TSHR: variants seen among roughly 807,000 people sequenced by gnomAD.
TSHR encodes thyroid stimulating hormone receptor.
TSHR carries 51 observed loss-of-function variants against 64.1 expected under a neutral mutation model. The observed-to-expected ratio is 0.80, with a 90% CI of 0.64 to 1.01. The LOEUF (loss-of-function observed/expected upper bound fraction) is 1.01. TSHR is among the 50% of genes least tolerant of loss of function. TSHR has a pLI of 0.00. For missense variants in TSHR, 877 were observed against 942.8 expected (o/e 0.93, Z 0.91); for synonymous variants, 361 against 361.9 (o/e 1.00, Z 0.03).
intron 1 of TSHR, among the ~76,000 whole-genome samples, chr14:80,977,153 T>C (rs1166566633): frequency 2.6e-5 from 4 of 152,238 alleles, no homozygotes; most frequent in South Asian, 2.1e-4. Flanking sequence ...GATGCTGTGT[T>C]ATATGGAATT....
intron 1 of TSHR, among the ~76,000 whole-genome samples, chr14:81,022,037 C>A (rs1883782567): frequency 6.8e-6 from 1 of 146,476 alleles, no homozygotes; most frequent in African/African-American, 2.6e-5. Context: ...CGGAAGTGGG[C>A]AGATCACGAG....
Position 81,144,525 on chromosome 14 carries a change from C to A in TSHR, c.*172C>A, listed in dbSNP as rs2268477. On this transcript the variant is annotated 3_prime_UTR_variant, in exon 10 of 10. Transcript: ENST00000298171. Reference sequence around the variant, plus strand: ...ATCTCTGGAGAGTGATTAGTATTAACCTAATCATTGCCCCCAAGAAGGAAG... The same window carrying A: ...ATCTCTGGAGAGTGATTAGTATTAAACTAATCATTGCCCCCAAGAAGGAAG... The A allele has an allele frequency of 0.13, 92,249 of 691,108 alleles. 9,314 individuals carry two copies. Among genetic ancestry groups the A allele is most frequent in the East Asian group, 0.37 (13,850 of 36,958 alleles). 42.8% of individuals were successfully genotyped at this position (691,108 alleles called of 1,614,324 possible).
At chr14:80,983,433 G>A (rs1888277002) in intron 1 of TSHR, 2 of 1,273,156 alleles carry the variant, frequency 1.6e-6, no homozygotes, top group Non-Finnish European at 2.2e-6. Flanking sequence ...TGCAGCCAGA[G>A]ACATGATCAA....
intron 1 of TSHR, chr14:80,982,432 G>A: frequency 8.2e-7 from 1 of 1,222,354 alleles, no homozygotes; most frequent in Non-Finnish European, 1.1e-6. Flanking sequence ...GGTCTGTGCT[G>A]AGGAGTTGGA....
chr14:81,001,892 T>C (rs1889343554), intron 1 of TSHR: 1 of 208,714 alleles, frequency 4.8e-6, no homozygotes, highest in Non-Finnish European at 9.6e-6. Flanking sequence ...AAGGAACAGA[T>C]GTTCCTTTCA....
chr14:81,055,941 A>C (rs1365400485), intron 1 of TSHR, among the ~76,000 whole-genome samples: 1 of 152,178 alleles, frequency 6.6e-6, no homozygotes, highest in African/African-American at 2.4e-5. Context: ...GTTTTGAAAC[A>C]TAAGGACATG....
rs568849017 is a variant in TSHR at position 81,140,402 on chromosome 14, C to G, written c.881+535C>G. Among the ~76,000 whole-genome samples the G allele has an allele frequency of 2.0e-5, 3 of 152,258 alleles. No homozygotes were observed. The East Asian group carries it at 5.8e-4, about 29-fold the overall frequency. ...TTATCCCAGCCTAGTTACTTAACCA[C>G]TCTGAGTCTTTGGGAATGGAGATCC... On this transcript the variant is annotated intron_variant, in intron 9 of 9. Transcript: ENST00000298171.
intron 8 of TSHR, among the ~76,000 whole-genome samples, chr14:81,111,593 G>A (rs1460682463): frequency 1.3e-5 from 2 of 151,998 alleles, no homozygotes; most frequent in East Asian, 3.9e-4. Context: ...CTGATCAATG[G>A]TCCATCCATA....
chr14:80,992,942 T>C (rs1888816746), intron 1 of TSHR: 1 of 152,208 alleles, frequency 6.6e-6, no homozygotes, highest in South Asian at 2.1e-4. Context: ...CTCACTGCGT[T>C]CCTTGTGGGT....
At chr14:81,110,755 A>G (rs1287365918) in intron 8 of TSHR, among the ~76,000 whole-genome samples, 1 of 152,224 alleles carries the variant, frequency 6.6e-6, no homozygotes, top group African/African-American at 2.4e-5. Context: ...TTAGTTTAAT[A>G]AATGCAGTTA....
Position 81,143,857 on chromosome 14 carries a change from G to C in TSHR, c.1799G>C (p.Cys600Ser), listed in dbSNP as rs371436408. The change falls in exon 10 of 10, where the codon TGT (cysteine) becomes TCT (serine). Residue 600 changes from cysteine to serine, a missense_variant. By Grantham distance (112) the Cys-to-Ser change is moderately radical (BLOSUM62 -1). Transcript: ENST00000298171. ...GTTGCCTTCGTCATCGTCTGCTGCT[G>C]TTATGTGAAGATCTACATCACAGTC... The part of the protein sequence containing the change: ...NIVAFVIVCC[C>S]YVKIYITVRN... 1.5e-5 allele frequency: 24 copies of C among 1,613,864 alleles called. No individual in the cohort carries two copies. The highest frequency in any genetic ancestry group is 1.9e-5 in the Non-Finnish European group (23 of 1,180,000).
chr14:80,982,807 T>C (rs183439180), intron 1 of TSHR: 45 of 540,866 alleles, frequency 8.3e-5, no homozygotes, highest in South Asian at 1.9e-4. Context: ...TAACTCATGC[T>C]CACAGCCCAT....
intron 1 of TSHR, among the ~76,000 whole-genome samples, chr14:80,973,549 T>G (rs911741528): frequency 6.6e-6 from 1 of 152,124 alleles, no homozygotes; most frequent in African/African-American, 2.4e-5. Context: ...AGGAACACTA[T>G]GCATTTATCC....
At chr14:81,058,669 A>G (rs1031107480) in intron 1 of TSHR, among the ~76,000 whole-genome samples, 3 of 152,240 alleles carry the variant, frequency 2.0e-5, no homozygotes, top group African/African-American at 7.2e-5. Flanking sequence ...ATTGCGATGC[A>G]AATTCTTTGG....
Position 81,144,535 on chromosome 14 carries a change from G to T in TSHR, c.*182G>T, listed in dbSNP as rs373305430. 2.4e-3 allele frequency: 1,541 copies of T among 654,394 alleles called. 39 individuals are homozygous for T. In the South Asian group the frequency reaches 0.029, roughly 12 times the overall value. 40.5% of individuals were successfully genotyped at this position (654,394 alleles called of 1,614,324 possible). A position where few individuals can be genotyped will look rare whatever the true frequency, so the allele number is the denominator to read the frequency against. ...AGTGATTAGTATTAACCTAATCATT[G>T]CCCCCAAGAAGGAAGTTAGGCTACC... On this transcript the variant is annotated 3_prime_UTR_variant, in exon 10 of 10. Coordinates refer to ENST00000298171, the MANE Select transcript of TSHR (RefSeq NM_000369.5).
At position 81,024,100 on chromosome 14, in the gene TSHR, C is replaced by T. The variant is rs187199279; in HGVS notation, c.171-38048C>T. 9.0e-3 allele frequency among the ~76,000 whole-genome samples: 1,367 copies of T among 152,210 alleles called. 14 individuals are homozygous for T. Among genetic ancestry groups the T allele is most frequent in the Non-Finnish European group, 0.011 (782 of 68,014 alleles). ...TCCTGTTATCGTCACATTTTTAAAA[C>T]CAAACATCTTTCTAAAACTATCACA... On this transcript the variant is annotated intron_variant, in intron 1 of 9. Coordinates refer to ENST00000298171, the MANE Select transcript of TSHR (RefSeq NM_000369.5).
intron 1 of TSHR, among the ~76,000 whole-genome samples, chr14:81,057,355 G>A (rs1040310312): frequency 3.3e-5 from 5 of 152,152 alleles, no homozygotes; most frequent in African/African-American, 1.2e-4. Flanking sequence ...AGGTTGCAGT[G>A]AGCCAAGATT....
chr14:80,989,154 G>A (rs758182373), intron 1 of TSHR, among the ~76,000 whole-genome samples: 1 of 152,074 alleles, frequency 6.6e-6, no homozygotes, highest in Non-Finnish European at 1.5e-5. Flanking sequence ...CCTCTTTTAT[G>A]TTAATTGCAC....
chr14:80,975,238 T>C lies in TSHR; in HGVS notation c.170+19388T>C, dbSNP rs147347249. 2.6e-5 allele frequency among the ~76,000 whole-genome samples: 4 copies of C among 152,350 alleles called. No individual in the cohort carries two copies. The East Asian group carries it at 7.7e-4, about 29-fold the overall frequency. ...ACACAAATGTATTATACAGGGATTC[T>C]GAAAGAACTTGACTATTAAAACAAA... On this transcript the variant is annotated intron_variant, in intron 1 of 9. Coordinates refer to ENST00000298171, the MANE Select transcript of TSHR (RefSeq NM_000369.5).
Sources: gnomAD v4.1 joint callset for allele counts (sites outside exome capture counted in the v4.1 genomes callset) on GRCh38, gnomAD v4.1.1 for gene constraint, MANE v1.5 for transcripts, NCBI Gene and HGNC (gene_info 2026-07-23, HGNC 2026-07-21) for gene names.